PDP2: variants seen among roughly 807,000 people sequenced by gnomAD.
PDP2 encodes the protein [Pyruvate dehydrogenase [acetyl-transferring]]-phosphatase 2, mitochondrial.
In PDP2, 23 loss-of-function variants were observed where a neutral mutation model predicts 34.2. The ratio of observed to expected loss-of-function variants is 0.67; its 90% CI spans 0.48 to 0.95. The LOEUF (loss-of-function observed/expected upper bound fraction) is 0.95, where lower values mean the gene tolerates loss of function less well. Ranked by LOEUF, PDP2 falls within the 40% of genes least tolerant of loss-of-function variation. The pLI, the probability that PDP2 is intolerant of heterozygous loss-of-function variation, is 0.00. For synonymous variants in PDP2, 275 were observed against 269.2 expected (o/e 1.02, Z -0.21); for missense variants, 571 against 659.6 (o/e 0.87, Z 1.47).
In PDP2 at chr16:66,890,501, G is replaced by A. The variant is rs1419259302; in HGVS notation, c.*4627G>A. ...GTTCAGTTTAGACACAATCAAATTG[G>A]CATCTTTTAAACATAAGTGAAATAT... On this transcript the variant is annotated 3_prime_UTR_variant, in exon 2 of 2. Transcript: ENST00000311765. 1 of 152,094 alleles carries A rather than the reference G, an allele frequency of 6.6e-6. No homozygotes were observed. Among genetic ancestry groups the A allele is most frequent in the African/African-American group, 2.4e-5 (1 of 41,400 alleles). The allele number at this position is 152,094 out of a possible 1,614,324, so 9.4% of individuals were successfully genotyped here.
chr16:66,885,839 T>C lies in PDP2; in HGVS notation c.1555T>C (p.Ser519Pro), dbSNP rs1240562988. Residue 519 changes from serine (S) to proline (P), a missense_variant, in exon 2 of 2, where the codon TCA becomes CCA. Around this residue, in one of 2 missense-constraint regions of PDP2, gnomAD observed 281 missense variants for 375.8 expected, o/e 0.75. Coordinates refer to ENST00000311765, the MANE Select transcript of PDP2 (RefSeq NM_020786.4). The surrounding 1 kb of genome is among the most constrained non-coding windows in gnomAD (Gnocchi z 4.6). ...DITVTVVYFN[S>P]ESIGAYYKGG ...CACTGTCACTGTGGTGTATTTTAACTCAGAATCAATCGGTGCATATTACAA... is the reference window on the plus strand; with the variant it reads ...CACTGTCACTGTGGTGTATTTTAACCCAGAATCAATCGGTGCATATTACAA... 1 of 1,610,442 alleles carries C rather than the reference T, an allele frequency of 6.2e-7. No homozygotes were observed. Among genetic ancestry groups the C allele is most frequent in the Non-Finnish European group, 8.5e-7 (1 of 1,177,834 alleles).
intron 1 of PDP2, among the ~76,000 whole-genome samples, chr16:66,881,993 T>C (rs1414003595): frequency 6.6e-6 from 1 of 152,190 alleles, no homozygotes; most frequent in Non-Finnish European, 1.5e-5. Flanking sequence ...AGTTTGGTAT[T>C]TTATATTAAT....
At chr16:66,883,931 T>C (rs1255971523) in intron 1 of PDP2, among the ~76,000 whole-genome samples, 7 of 152,032 alleles carry the variant, frequency 4.6e-5, no homozygotes, top group Admixed American at 2.6e-4. Context: ...TCCCAGCACT[T>C]TGGGAGGCCG....
intron 1 of PDP2, among the ~76,000 whole-genome samples, chr16:66,883,424 G>A (rs748820641): frequency 3.8e-4 from 58 of 151,818 alleles, no homozygotes; most frequent in Non-Finnish European, 5.0e-4. Context: ...GAGCCACCGC[G>A]TCAGGCCTGT....
intron 1 of PDP2, among the ~76,000 whole-genome samples, chr16:66,883,529 A>G (rs917641862): frequency 3.3e-5 from 5 of 152,008 alleles, no homozygotes; most frequent in Non-Finnish European, 7.4e-5. Flanking sequence ...GCCTCAACTT[A>G]CCAGGCTCAG....
chr16:66,884,254 G>A lies in PDP2; in HGVS notation c.-31G>A, dbSNP rs1373903102. ...AGGTTTAAAAATATCCTTTTTTGCTGAAGGAACACATTTGCTGGTATAGTT... is the reference window on the plus strand; with the variant it reads ...AGGTTTAAAAATATCCTTTTTTGCTAAAGGAACACATTTGCTGGTATAGTT... On this transcript the variant is annotated 5_prime_UTR_variant, in exon 2 of 2. Transcript: ENST00000311765. The A allele has an allele frequency of 6.8e-7, 1 of 1,469,174 alleles. No individual in the cohort carries two copies. The highest frequency in any genetic ancestry group is 9.1e-7 in the Non-Finnish European group (1 of 1,103,806). 91.0% of individuals were successfully genotyped at this position (1,469,174 alleles called of 1,614,324 possible).
In PDP2 at chr16:66,887,286, A is replaced by T. The variant is rs569268927; in HGVS notation, c.*1412A>T. ...CCATTTTGGAGATGAATTTCATCTC[A>T]TGAGTTGCTGTGGCATTTAAACAAC... On this transcript the variant is annotated 3_prime_UTR_variant, in exon 2 of 2. Coordinates refer to ENST00000311765, the MANE Select transcript of PDP2 (RefSeq NM_020786.4). 1 of 166,586 alleles carries T rather than the reference A, an allele frequency of 6.0e-6. No individual in the cohort carries two copies. Among genetic ancestry groups the T allele is most frequent in the East Asian group, 1.9e-4 (1 of 5,196 alleles). 10.3% of individuals were successfully genotyped at this position (166,586 alleles called of 1,614,324 possible).
chr16:66,885,022 C>CCAGGCCCCCCTGGAAGATGA lies in PDP2; in HGVS notation c.739_758dup (p.Glu253AspfsTer9), dbSNP rs775044404. Reference sequence around the variant, plus strand: ...TGGATTCTGACATCTCGCTGGAAATCCAGGCCCCCCTGGAAGATGAGGTGA... The same window carrying CCAGGCCCCCCTGGAAGATGA: ...TGGATTCTGACATCTCGCTGGAAATCCAGGCCCCCCTGGAAGATGACAGGCCCCCCTGGAAGATGAGGTGA... On this transcript the variant is annotated frameshift_variant, in exon 2 of 2. Coordinates refer to ENST00000311765, the MANE Select transcript of PDP2 (RefSeq NM_020786.4). LOFTEE classifies it high-confidence loss of function. This position sits in a 1 kb window ranked among gnomAD's most constrained non-coding sequence, Gnocchi z 4.6. The CCAGGCCCCCCTGGAAGATGA allele has an allele frequency of 6.2e-7, 1 of 1,613,584 alleles. No individual in the cohort carries two copies. The highest frequency in any genetic ancestry group is 8.5e-7 in the Non-Finnish European group (1 of 1,179,812).
rs1596957147 is a variant in PDP2, at chr16:66,889,920, A to G, written c.*4046A>G. 1 of 150,804 alleles carries G rather than the reference A, an allele frequency of 6.6e-6. No individual in the cohort carries two copies. The highest frequency in any genetic ancestry group is 1.5e-5 in the Non-Finnish European group (1 of 67,880). The allele number at this position is 150,804 out of a possible 1,614,324, so 9.3% of individuals were successfully genotyped here. A position where few individuals can be genotyped will look rare whatever the true frequency, so the allele number is the denominator to read the frequency against. On this transcript the variant is annotated 3_prime_UTR_variant, in exon 2 of 2. Coordinates refer to ENST00000311765, the MANE Select transcript of PDP2 (RefSeq NM_020786.4). ...GGCCAGAGTGAGCTGTGATCGTGCC[A>G]TTGCACTCCAGACTGAGTGACAGAG...
chr16:66,882,922 C>G (rs1961582126), intron 1 of PDP2: 2 of 151,426 alleles, frequency 1.3e-5, no homozygotes, highest in Non-Finnish European at 2.9e-5. Context: ...ACCTCCAGGG[C>G]TTAAGCAATC....
chr16:66,881,432 AATTT>A (rs1567514470), intron 1 of PDP2, among the ~76,000 whole-genome samples: 3 of 111,860 alleles, frequency 2.7e-5, no homozygotes, highest in East Asian at 3.1e-4. Context: ...TTTTTTTTTT[AATTT>A]AATTTAATTT....
Position 66,889,339 on chromosome 16 carries a change from C to T in PDP2, c.*3465C>T, listed in dbSNP as rs1466646434. The T allele has an allele frequency of 6.6e-6, 1 of 152,108 alleles. No individual in the cohort carries two copies. The highest frequency in any genetic ancestry group is 1.5e-5 in the Non-Finnish European group (1 of 68,024). 9.4% of individuals were successfully genotyped at this position (152,108 alleles called of 1,614,324 possible). On this transcript the variant is annotated 3_prime_UTR_variant, in exon 2 of 2. Transcript: ENST00000311765. ...TTTTTTTGAGACAGTCTCACTCAGT[C>T]GCCCAGGCTGAAGTGCAGTGACACA... is the stretch of plus-strand genomic sequence containing the variant.
chr16:66,884,781 C>A lies in PDP2; in HGVS notation c.497C>A (p.Ser166Tyr), dbSNP rs778551453. Reference protein sequence around the residue: ...LFYYVAVSLMSHQTLEHMEGA... With the variant: ...LFYYVAVSLMYHQTLEHMEGA... ...TACTATGTGGCAGTGTCCCTGATGT[C>A]CCACCAGACCCTGGAGCACATGGAG... The change falls in exon 2 of 2, where the codon TCC becomes TAC. Residue 166 changes from serine (S) to tyrosine (Y), a missense_variant. Ser to Tyr is a moderately radical substitution (Grantham distance 144, BLOSUM62 -2). Coordinates refer to ENST00000311765, the MANE Select transcript of PDP2 (RefSeq NM_020786.4). 1 of 1,614,120 alleles carries A rather than the reference C, an allele frequency of 6.2e-7. No individual in the cohort carries two copies. The highest frequency in any genetic ancestry group is 8.5e-7 in the Non-Finnish European group (1 of 1,180,034).
rs1044680929 is a variant in PDP2, at chr16:66,887,433, C to T, written c.*1559C>T. 3 of 167,050 alleles carry T rather than the reference C, an allele frequency of 1.8e-5. No individual in the cohort carries two copies. Among genetic ancestry groups the T allele is most frequent in the Non-Finnish European group, 4.4e-5 (3 of 68,110 alleles). 10.3% of individuals were successfully genotyped at this position (167,050 alleles called of 1,614,324 possible). On this transcript the variant is annotated 3_prime_UTR_variant, in exon 2 of 2. Coordinates refer to ENST00000311765, the MANE Select transcript of PDP2 (RefSeq NM_020786.4). Reference sequence around the variant, plus strand: ...AACTACATTTGTTGATCCCTTTTCTCATCTTACCCCTTTATGCCACCTACT... The same window carrying T: ...AACTACATTTGTTGATCCCTTTTCTTATCTTACCCCTTTATGCCACCTACT...
chr16:66,884,152 C>T (rs879787081), intron 1 of PDP2, 79 bp from the exon 2 acceptor site: 39 of 762,938 alleles, frequency 5.1e-5, no homozygotes, highest in Admixed American at 1.1e-4. Context: ...CCAGCCTGGG[C>T]GGCAGAGCGA....
In PDP2 at chr16:66,886,467, G is replaced by A. The variant is rs989892088; in HGVS notation, c.*593G>A. The A allele has an allele frequency of 5.1e-5, 22 of 429,210 alleles. No individual in the cohort carries two copies. Among genetic ancestry groups the A allele is most frequent in the Middle Eastern group, 6.9e-4 (2 of 2,884 alleles). 26.6% of individuals were successfully genotyped at this position (429,210 alleles called of 1,614,324 possible). ...AATACTACATTCTAGTTCTGTTTTC[G>A]TTTATTTTAAAACTGAATCCTTAAA... On this transcript the variant is annotated 3_prime_UTR_variant, in exon 2 of 2. Transcript: ENST00000311765.
chr16:66,885,880 T>G lies in PDP2; in HGVS notation c.*6T>G. Reference sequence around the variant, plus strand: ...CATATTACAAGGGGGGTTAAGAATCTCCCATCCTATTGTCAAGGTTAACAT... The same window carrying G: ...CATATTACAAGGGGGGTTAAGAATCGCCCATCCTATTGTCAAGGTTAACAT... On this transcript the variant is annotated 3_prime_UTR_variant, in exon 2 of 2. Coordinates refer to ENST00000311765, the MANE Select transcript of PDP2 (RefSeq NM_020786.4). This position sits in a 1 kb window ranked among gnomAD's most constrained non-coding sequence, Gnocchi z 4.6. 6.3e-7 allele frequency: 1 copy of G among 1,586,640 alleles called. No homozygotes were observed.
Position 66,886,627 on chromosome 16 carries a change from C to A in PDP2, c.*753C>A, listed in dbSNP as rs1156681551. On this transcript the variant is annotated 3_prime_UTR_variant, in exon 2 of 2. Coordinates refer to ENST00000311765, the MANE Select transcript of PDP2 (RefSeq NM_020786.4). The stretch of plus-strand genomic sequence containing the variant: ...CCTCTACTGAGTCCCATTCCAGAAA[C>A]TTTGAGCCATGCTAGGAGGTAACTA... 9.2e-6 allele frequency: 4 copies of A among 437,088 alleles called. No homozygotes were observed. In the East Asian group the frequency reaches 2.1e-4, roughly 23 times the overall value. The allele number at this position is 437,088 out of a possible 1,614,324, so 27.1% of individuals were successfully genotyped here.
rs1256771740 is a variant in PDP2, at chr16:66,888,984, C to G, written c.*3110C>G. On this transcript the variant is annotated 3_prime_UTR_variant, in exon 2 of 2. Coordinates refer to ENST00000311765, the MANE Select transcript of PDP2 (RefSeq NM_020786.4). ...GTGAATCATCTGTTCTTTCCATGAA[C>G]ATTCTGGGGAGCACCTCCTGATTAA... 1 of 152,180 alleles carries G rather than the reference C, an allele frequency of 6.6e-6. No homozygotes were observed. The highest frequency in any genetic ancestry group is 1.9e-4 in the East Asian group (1 of 5,196). 9.4% of individuals were successfully genotyped at this position (152,180 alleles called of 1,614,324 possible). A position where few individuals can be genotyped will look rare whatever the true frequency, so the allele number is the denominator to read the frequency against.
Sources: gnomAD v4.1 joint callset for allele counts (sites outside exome capture counted in the v4.1 genomes callset) on GRCh38, gnomAD v4.1.1 for gene constraint, gnomAD v4.1.1 regional missense constraint, Gnocchi (gnomAD v3.1) non-coding constraint, MANE v1.5 for transcripts, NCBI Gene and HGNC (gene_info 2026-07-23, HGNC 2026-07-21) for gene names.